Variants in MACROD2 observed in about 807,000 individuals in gnomAD.
The protein encoded by MACROD2 is ADP-ribose glycohydrolase MACROD2.
Under a neutral mutation model 70.4 loss-of-function variants are expected in MACROD2, and 36 were observed. The observed-to-expected ratio is 0.51, with a 90% CI of 0.39 to 0.68. MACROD2 has a LOEUF of 0.68. Ranked by LOEUF, MACROD2 falls within the 30% of genes least tolerant of loss-of-function variation. The pLI is 0.00. For synonymous variants in MACROD2, 172 were observed against 178.8 expected (o/e 0.96, Z 0.30); for missense variants, 496 against 538.4 (o/e 0.92, Z 0.78).
intron 6 of MACROD2, among the ~76,000 whole-genome samples, chr20:15,259,178 T>G (rs2077226311): frequency 7.7e-6 from 1 of 130,098 alleles, no homozygotes; most frequent in Admixed American, 7.6e-5. Flanking sequence ...TTTGGGTAAT[T>G]TTTTAACAAC....
intron 3 of MACROD2, among the ~76,000 whole-genome samples, chr20:14,469,491 G>A (rs1323298004): frequency 1.3e-5 from 2 of 152,008 alleles, no homozygotes; most frequent in African/African-American, 4.8e-5. Context: ...CTAGGTTGGG[G>A]AAGTTCTGGA....
In MACROD2 at chr20:15,412,000, T is replaced by C. The variant is rs116435098; in HGVS notation, c.541-19405T>C. Among the ~76,000 whole-genome samples the C allele has an allele frequency of 6.9e-3, 1,047 of 152,246 alleles. 16 individuals are homozygous for C. The highest frequency in any genetic ancestry group is 0.023 in the African/African-American group (974 of 41,550). ...GACACACCTGTGGCTGCCTGGAGGTTGTCAGCACCACCCACCACTCTCCTC... is the reference window on the plus strand; with the variant it reads ...GACACACCTGTGGCTGCCTGGAGGTCGTCAGCACCACCCACCACTCTCCTC... On this transcript the variant is annotated intron_variant, in intron 6 of 17. Transcript: ENST00000684519.
At chr20:14,232,606 T>C (rs1184008997) in intron 3 of MACROD2, among the ~76,000 whole-genome samples, 1 of 152,238 alleles carries the variant, frequency 6.6e-6, no homozygotes, top group African/African-American at 2.4e-5. Context: ...CTTCCTCACC[T>C]CTGTCAGCCT....
At chr20:14,073,971 A>C (rs2053883718) in intron 2 of MACROD2, among the ~76,000 whole-genome samples, 1 of 152,168 alleles carries the variant, frequency 6.6e-6, no homozygotes, top group African/African-American at 2.4e-5. Flanking sequence ...CAGTTTGAGC[A>C]AGAATCTTGC....
intron 3 of MACROD2, among the ~76,000 whole-genome samples, chr20:14,445,006 T>C (rs2084168075): frequency 6.6e-6 from 1 of 152,076 alleles, no homozygotes; most frequent in Non-Finnish European, 1.5e-5. Context: ...GCTTCTACTC[T>C]TGCCCCTCTG....
At chr20:15,432,059 T>C (rs1011426018) in intron 7 of MACROD2, among the ~76,000 whole-genome samples, 4 of 152,016 alleles carry the variant, frequency 2.6e-5, no homozygotes, top group African/African-American at 9.7e-5. Context: ...ACAAGAACTT[T>C]TTTATACTTT....
chr20:14,095,942 C>A (rs1266054125), intron 3 of MACROD2, among the ~76,000 whole-genome samples: 1 of 152,148 alleles, frequency 6.6e-6, no homozygotes, highest in Non-Finnish European at 1.5e-5. Context: ...AAAAATGTTA[C>A]CTTGCTCACT....
chr20:15,395,642 A>G (rs1160296369), intron 6 of MACROD2, among the ~76,000 whole-genome samples: 1 of 152,230 alleles, frequency 6.6e-6, no homozygotes, highest in Non-Finnish European at 1.5e-5. Flanking sequence ...AAAAAGCAGG[A>G]AGTGAGCTGT....
chr20:14,792,397 A>G (rs1019817515), intron 5 of MACROD2, among the ~76,000 whole-genome samples: 7 of 152,000 alleles, frequency 4.6e-5, no homozygotes, highest in Non-Finnish European at 1.0e-4. Flanking sequence ...GTGCCAGGTT[A>G]TTTTTGTTCT....
chr20:14,281,446 G>A (rs1297247950), intron 3 of MACROD2, among the ~76,000 whole-genome samples: 2 of 152,156 alleles, frequency 1.3e-5, no homozygotes, highest in Non-Finnish European at 2.9e-5. Context: ...CTGTGTATGG[G>A]TATAGCGTTT....
chr20:15,564,131 G>T (rs1244374109), intron 8 of MACROD2, among the ~76,000 whole-genome samples: 1 of 152,178 alleles, frequency 6.6e-6, no homozygotes, highest in African/African-American at 2.4e-5. Flanking sequence ...GTCCTTGAAA[G>T]ATAATTATAC....
intron 10 of MACROD2, among the ~76,000 whole-genome samples, chr20:15,925,779 T>TA (rs1451306533): frequency 6.6e-6 from 1 of 152,182 alleles, no homozygotes; most frequent in African/African-American, 2.4e-5. Context: ...CACACGGGCT[T>TA]AAAAAATTAC....
chr20:15,109,189 C>T (rs562148278), intron 5 of MACROD2, among the ~76,000 whole-genome samples: 45 of 152,210 alleles, frequency 3.0e-4, no homozygotes, highest in South Asian at 1.9e-3. Context: ...ATAGAAAAAA[C>T]ATTGCTGGCA....
intron 5 of MACROD2, among the ~76,000 whole-genome samples, chr20:15,045,246 G>A (rs750207219): frequency 1.3e-5 from 2 of 152,278 alleles, no homozygotes; most frequent in East Asian, 1.9e-4. Context: ...ACAGCTTCAC[G>A]CAGCTAAATT....
At chr20:15,977,084 T>C (rs1268123371) in intron 13 of MACROD2, among the ~76,000 whole-genome samples, 1 of 152,118 alleles carries the variant, frequency 6.6e-6, no homozygotes, top group Non-Finnish European at 1.5e-5. Flanking sequence ...ATACAGATTT[T>C]GGCCTTTTCC....
chr20:15,560,860 G>T (rs146593164), intron 8 of MACROD2, among the ~76,000 whole-genome samples: 1 of 150,948 alleles, frequency 6.6e-6, no homozygotes, highest in South Asian at 2.1e-4. Flanking sequence ...TTTGCTTTAG[G>T]TGGTCTGGTT....
intron 3 of MACROD2, among the ~76,000 whole-genome samples, chr20:14,166,175 AAAAT>A (rs1454771051): frequency 6.6e-6 from 1 of 152,192 alleles, no homozygotes; most frequent in Non-Finnish European, 1.5e-5. Flanking sequence ...AAAGTTTTTA[AAAAT>A]AAATATTTTG....
chr20:14,256,368 T>G (rs1011834455), intron 3 of MACROD2, among the ~76,000 whole-genome samples: 6 of 152,210 alleles, frequency 3.9e-5, no homozygotes, highest in Admixed American at 1.3e-4. Context: ...TGAATTCTTG[T>G]GAGTTATTTT....
intron 6 of MACROD2, among the ~76,000 whole-genome samples, chr20:15,232,180 C>A (rs1320236224): frequency 6.6e-6 from 1 of 151,834 alleles, no homozygotes. Flanking sequence ...ATGCTAATCT[C>A]ATCACATTCT....
Sources: gnomAD v4.1 joint callset for allele counts (sites outside exome capture counted in the v4.1 genomes callset) on GRCh38, gnomAD v4.1.1 for gene constraint, MANE v1.5 for transcripts, NCBI Gene and HGNC (gene_info 2026-07-23, HGNC 2026-07-21) for gene names.